The following NTN4 variants were observed in gnomAD, a reference collection of about 807,000 sequenced individuals.
The protein encoded by NTN4 is netrin-4.
A neutral mutation model predicts 73.6 loss-of-function variants in NTN4; 32 were observed. The observed-to-expected ratio is 0.44, with a 90% CI of 0.33 to 0.58. The LOEUF is 0.58. Ranked by LOEUF, NTN4 falls within the 20% of genes least tolerant of loss-of-function variation. The pLI is 0.04. For synonymous variants in NTN4, 258 were observed against 287.5 expected (o/e 0.90, Z 1.04); for missense variants, 654 against 798.3 (o/e 0.82, Z 2.18).
In NTN4 at chr12:95,790,518, CG is replaced by C. The variant is rs1162472517; in HGVS notation, c.-210del. 5.4e-5 allele frequency: 21 copies of C among 388,350 alleles called. No individual in the cohort carries two copies. The highest frequency in any genetic ancestry group is 2.5e-4 in the African/African-American group (12 of 47,606). The allele number at this position is 388,350 out of a possible 1,614,324, so 24.1% of individuals were successfully genotyped here. ...GGGAGGTGGGGTGACCCTCGCGCAC[CG>C]GCCTGGCGGGTCCCGGGCACCTGGG... On this transcript the variant is annotated 5_prime_UTR_variant, in exon 1 of 10. It removes the in-frame stop codon of an upstream open reading frame in the 5' UTR. Coordinates refer to ENST00000343702, the MANE Select transcript of NTN4 (RefSeq NM_021229.4). The surrounding 1 kb of genome is among the most constrained non-coding windows in gnomAD (Gnocchi z 6.5).
intron 2 of NTN4, among the ~76,000 whole-genome samples, chr12:95,784,650 C>T (rs2079155050): frequency 6.6e-6 from 1 of 151,862 alleles, no homozygotes. Flanking sequence ...ACCTGTAATC[C>T]CAGGTACTCA....
chr12:95,756,117 C>T (rs2078945553), intron 2 of NTN4, among the ~76,000 whole-genome samples: 1 of 152,174 alleles, frequency 6.6e-6, no homozygotes, highest in South Asian at 2.1e-4. Context: ...ATCCTAACCT[C>T]CAATCTAATG....
At chr12:95,666,162 G>A (rs2078178209) in intron 8 of NTN4, among the ~76,000 whole-genome samples, 182 bp from the exon 9 acceptor site, 1 of 152,160 alleles carries the variant, frequency 6.6e-6, no homozygotes, top group South Asian at 2.1e-4. Context: ...TCTAAGGAAA[G>A]TAACTCAGGA....
rs138865446 is a variant in NTN4, at chr12:95,787,256, G to A, written c.268C>T (p.Leu90=). ...CNAAYPHLAH[L]PSAMADSSFR... ...GATGAGTCTGCCATGGCAGATGGCAGGTGAGCCAGGTGAGGATAGGCAGCA... is the reference window on the plus strand; with the variant it reads ...GATGAGTCTGCCATGGCAGATGGCAAGTGAGCCAGGTGAGGATAGGCAGCA... The change falls in exon 2 of 10, where the codon CTG becomes TTG. Residue 90 remains leucine (L), a synonymous_variant. Transcript: ENST00000343702. The A allele has an allele frequency of 5.5e-5, 89 of 1,614,224 alleles. No homozygotes were observed. The African/African-American group carries it at 9.2e-4, about 17-fold the overall frequency.
At chr12:95,770,944 T>C (rs2079052954) in intron 2 of NTN4, among the ~76,000 whole-genome samples, 2 of 151,998 alleles carry the variant, frequency 1.3e-5, no homozygotes. Flanking sequence ...GGTGTTGTTC[T>C]GTTTTTGTTT....
intron 8 of NTN4, among the ~76,000 whole-genome samples, chr12:95,668,082 T>G (rs1414250375): frequency 6.6e-6 from 1 of 151,942 alleles, no homozygotes; most frequent in Non-Finnish European, 1.5e-5. Context: ...AGCAGGGACC[T>G]TGTCTGTCAC....
intron 5 of NTN4, among the ~76,000 whole-genome samples, chr12:95,699,803 T>C (rs1233545511): frequency 1.3e-5 from 2 of 152,130 alleles, no homozygotes; most frequent in African/African-American, 4.8e-5. Context: ...ATTGACTACA[T>C]TTATTTTGGC....
intron 5 of NTN4, among the ~76,000 whole-genome samples, chr12:95,704,297 C>T (rs1198031734): frequency 3.9e-5 from 6 of 152,020 alleles, no homozygotes; most frequent in Admixed American, 2.0e-4. Flanking sequence ...GTTGATGGAA[C>T]CACATACTGA....
chr12:95,729,613 A>AAG lies in NTN4; in HGVS notation c.864+8251_864+8252dup, dbSNP rs59395729. Among the ~76,000 whole-genome samples the AAG allele has an allele frequency of 7.4e-3, 1,020 of 138,082 alleles. 36 individuals carry two copies. The East Asian group carries it at 0.11, about 15-fold the overall frequency. 90.6% of individuals were successfully genotyped at this position (138,082 alleles called of 152,430 possible). A position where few individuals can be genotyped will look rare whatever the true frequency, so the allele number is the denominator to read the frequency against. ...TTTTCCATCTTCTGGAATTATTATA[A>AAG]AGAGAGAGAGAGAGAGAGAGTGTGT... is the stretch of plus-strand genomic sequence containing the variant. On this transcript the variant is annotated intron_variant, in intron 3 of 9. Transcript: ENST00000343702.
chr12:95,732,872 G>A (rs999582595), intron 3 of NTN4, among the ~76,000 whole-genome samples: 22 of 152,126 alleles, frequency 1.4e-4, no homozygotes, highest in Non-Finnish European at 2.5e-4. Flanking sequence ...GATTCCTTGG[G>A]AAACACTTTC....
chr12:95,790,959 G>A (rs1239653039), upstream of NTN4, among the ~76,000 whole-genome samples: 4 of 121,886 alleles, frequency 3.3e-5, no homozygotes, highest in Non-Finnish European at 1.7e-5. This position sits in a 1 kb window ranked among gnomAD's most constrained non-coding sequence, Gnocchi z 6.5. Flanking sequence ...CCCGACCGAC[G>A]CCCCCGACGC....
intron 3 of NTN4, among the ~76,000 whole-genome samples, chr12:95,729,977 C>T (rs1028005231): frequency 6.6e-6 from 1 of 152,090 alleles, no homozygotes; most frequent in African/African-American, 2.4e-5. Context: ...AGATCTGACT[C>T]CAGGTTCCCA....
rs1424665461 is a variant in NTN4 at position 95,780,604 on chromosome 12, C to T, written c.585+6335G>A. ...TGCAAATCAAAACCGCAATGAGATACCATCTCACACCAGTTAGAATGGTAA... is the reference window on the plus strand; with the variant it reads ...TGCAAATCAAAACCGCAATGAGATATCATCTCACACCAGTTAGAATGGTAA... On this transcript the variant is annotated intron_variant, in intron 2 of 9. Coordinates refer to ENST00000343702, the MANE Select transcript of NTN4 (RefSeq NM_021229.4). 3.9e-5 allele frequency among the ~76,000 whole-genome samples: 6 copies of T among 152,166 alleles called. No homozygotes were observed. The East Asian group carries it at 7.7e-4, about 20-fold the overall frequency.
chr12:95,732,165 C>T (rs1258897454), intron 3 of NTN4, among the ~76,000 whole-genome samples: 1 of 151,996 alleles, frequency 6.6e-6, no homozygotes, highest in Non-Finnish European at 1.5e-5. Flanking sequence ...TTTTTTAAAT[C>T]TCCTGTTCGT....
At chr12:95,714,231 T>A (rs2078589206) in intron 3 of NTN4, among the ~76,000 whole-genome samples, 1 of 152,194 alleles carries the variant, frequency 6.6e-6, no homozygotes, top group Admixed American at 6.5e-5. Flanking sequence ...TTTGGAATCA[T>A]CTGAACTATC....
At chr12:95,672,248 C>A in intron 7 of NTN4, 1 of 633,498 alleles carries the variant, frequency 1.6e-6, no homozygotes, top group South Asian at 1.7e-5. Flanking sequence ...GGGCAGGGGG[C>A]GGGCTGTGAT....
chr12:95,755,760 G>A (rs2078943589), intron 2 of NTN4, among the ~76,000 whole-genome samples: 2 of 152,322 alleles, frequency 1.3e-5, no homozygotes, highest in South Asian at 4.1e-4. Flanking sequence ...CATGTTTCAA[G>A]GGCATATTTA....
At position 95,718,244 on chromosome 12, in the gene NTN4, A is replaced by C. The variant is rs1026017164; in HGVS notation, c.865-4906T>G. Among the ~76,000 whole-genome samples the C allele has an allele frequency of 7.2e-4, 110 of 152,346 alleles. 1 individual carries two copies. The highest frequency in any genetic ancestry group is 2.5e-3 in the African/African-American group (106 of 41,590). ...AGGGAAATTATTATCTTTTAGATTC[A>C]TAACTGGAAGATACACGGGACTTGC... On this transcript the variant is annotated intron_variant, in intron 3 of 9. Transcript: ENST00000343702.
intron 3 of NTN4, 37 bp from the exon 4 acceptor site, chr12:95,713,375 T>C (rs149011653): frequency 2.0e-6 from 3 of 1,529,224 alleles, no homozygotes; most frequent in Middle Eastern, 1.7e-4. Context: ...TGAGCACACA[T>C]GTCGCCAAAG....
Sources: allele counts gnomAD v4.1 joint callset (sites outside exome capture counted in the v4.1 genomes callset), GRCh38; gene constraint gnomAD v4.1.1; non-coding constraint Gnocchi (gnomAD v3.1); transcripts MANE v1.5; gene names NCBI Gene and HGNC (gene_info 2026-07-23, HGNC 2026-07-21).